The following KANSL1L variants were observed in gnomAD, a reference collection of about 807,000 sequenced individuals.
KANSL1L encodes the protein KAT8 regulatory NSL complex subunit 1-like protein.
Under a neutral mutation model 108.6 loss-of-function variants are expected in KANSL1L, and 25 were observed. The ratio of observed to expected loss-of-function variants is 0.23; its 90% CI spans 0.17 to 0.32. The LOEUF is 0.32. Ranked by LOEUF, KANSL1L falls within the 10% of genes least tolerant of loss-of-function variation. The pLI is 1.00. For missense variants in KANSL1L, 1,137 were observed against 1,125.7 expected (o/e 1.01, Z -0.14); for synonymous variants, 405 against 395.1 (o/e 1.03, Z -0.30).
chr2:210,117,942 T>A (rs1280341877), intron 3 of KANSL1L, among the ~76,000 whole-genome samples: 1 of 151,902 alleles, frequency 6.6e-6, no homozygotes, highest in Non-Finnish European at 1.5e-5. Context: ...GACAGGTGGA[T>A]CACCTGAGGT....
chr2:210,139,305 T>C (rs552384450), intron 2 of KANSL1L, among the ~76,000 whole-genome samples: 10 of 152,270 alleles, frequency 6.6e-5, no homozygotes, highest in African/African-American at 2.2e-4. Flanking sequence ...ATTTTCCTTA[T>C]CCATTCATCT....
intron 1 of KANSL1L, among the ~76,000 whole-genome samples, chr2:210,169,707 A>T (rs1383690546): frequency 6.6e-6 from 1 of 152,226 alleles, no homozygotes; most frequent in Non-Finnish European, 1.5e-5. Context: ...AACCATGAGG[A>T]AATGGTTGCA....
chr2:210,120,814 AC>A (rs2095010543), intron 3 of KANSL1L, among the ~76,000 whole-genome samples: 1 of 152,056 alleles, frequency 6.6e-6, no homozygotes, highest in Admixed American at 6.6e-5. Flanking sequence ...TAAACAAACA[AC>A]CCCATAAAAA....
intron 1 of KANSL1L, among the ~76,000 whole-genome samples, chr2:210,158,472 C>T (rs1213314989): frequency 6.6e-6 from 1 of 152,180 alleles, no homozygotes; most frequent in African/African-American, 2.4e-5. Flanking sequence ...GAGCCAGAGG[C>T]ACCCAGCTAA....
At chr2:210,029,102 TA>T in intron 10 of KANSL1L, 133 bp from the exon 11 acceptor site, 2 of 733,200 alleles carry the variant, frequency 2.7e-6, no homozygotes, top group Non-Finnish European at 4.3e-6. Context: ...AAAGTCTGAC[TA>T]AAAAATGTTA....
Position 210,044,932 on chromosome 2 carries a change from G to T in KANSL1L, c.1756-828C>A, listed in dbSNP as rs1174289870. ...TTACAGGCACGTGCCACTGCGCCCA[G>T]CTACTTTTTGTATTTTTAGTGGAGA... On this transcript the variant is annotated intron_variant, in intron 6 of 14. Coordinates refer to ENST00000281772, the MANE Select transcript of KANSL1L (RefSeq NM_152519.4). The surrounding 1 kb of genome is among the most constrained non-coding windows in gnomAD (Gnocchi z 4.2). Among the ~76,000 whole-genome samples the T allele has an allele frequency of 5.9e-5, 9 of 152,006 alleles. No homozygotes were observed. Among genetic ancestry groups the T allele is most frequent in the African/African-American group, 2.2e-4 (9 of 41,378 alleles).
In KANSL1L at chr2:210,105,373, AAAT is replaced by A. The variant is rs1048517100; in HGVS notation, c.1231-1075_1231-1073del. Among the ~76,000 whole-genome samples, 35 of 145,876 alleles carry A rather than the reference AAAT, an allele frequency of 2.4e-4. 1 individual carries two copies. The highest frequency in any genetic ancestry group is 1.5e-3 in the South Asian group (7 of 4,692). On this transcript the variant is annotated intron_variant, in intron 3 of 14. Coordinates refer to ENST00000281772, the MANE Select transcript of KANSL1L (RefSeq NM_152519.4). ...TAAATATATATATATATTTGAAAAA[AAAT>A]ATATATATATATATTTGAAACATGC...
At chr2:210,151,840 A>C (rs1037673195) in intron 2 of KANSL1L, 2 of 152,206 alleles carry the variant, frequency 1.3e-5, no homozygotes. Flanking sequence ...ACACTAGAAG[A>C]CCCGAATGCT....
intron 5 of KANSL1L, among the ~76,000 whole-genome samples, chr2:210,084,874 T>A (rs2094623345): frequency 6.6e-6 from 1 of 152,200 alleles, no homozygotes; most frequent in South Asian, 2.1e-4. Context: ...CCTCCCAAAG[T>A]GCTGGGATTA....
At chr2:210,167,353 G>T (rs1266608714) in intron 1 of KANSL1L, among the ~76,000 whole-genome samples, 1 of 151,930 alleles carries the variant, frequency 6.6e-6, no homozygotes, top group Non-Finnish European at 1.5e-5. Context: ...GCCTAAAAAG[G>T]AATTCTCTTT....
chr2:210,122,310 G>C (rs1480296757), intron 3 of KANSL1L, among the ~76,000 whole-genome samples: 2 of 151,966 alleles, frequency 1.3e-5, no homozygotes, highest in African/African-American at 4.8e-5. Context: ...TAATCAAAAC[G>C]GCACAGTACT....
intron 5 of KANSL1L, among the ~76,000 whole-genome samples, chr2:210,083,423 G>T (rs539202122): frequency 1.3e-5 from 2 of 152,106 alleles, no homozygotes; most frequent in South Asian, 4.2e-4. Flanking sequence ...GTCCTTTGAT[G>T]AATTCAACCT....
chr2:210,159,401 C>G (rs1483909595), intron 1 of KANSL1L, among the ~76,000 whole-genome samples: 1 of 152,172 alleles, frequency 6.6e-6, no homozygotes, highest in African/African-American at 2.4e-5. Flanking sequence ...TAGCTTCAGC[C>G]TCTTGGTTCA....
chr2:210,139,406 T>C (rs1207311246), intron 2 of KANSL1L, among the ~76,000 whole-genome samples: 1 of 152,186 alleles, frequency 6.6e-6, no homozygotes, highest in Non-Finnish European at 1.5e-5. Context: ...TGATTTAATT[T>C]CCTTTTGACA....
intron 2 of KANSL1L, among the ~76,000 whole-genome samples, chr2:210,144,206 G>T (rs1372119164): frequency 2.0e-5 from 3 of 152,082 alleles, no homozygotes; most frequent in Non-Finnish European, 2.9e-5. Context: ...CTTCCTGAGG[G>T]TTCCCTTGTA....
intron 5 of KANSL1L, among the ~76,000 whole-genome samples, chr2:210,078,027 C>T (rs1255197737): frequency 6.6e-6 from 1 of 152,176 alleles, no homozygotes; most frequent in Admixed American, 6.5e-5. Context: ...AGTGTACTTA[C>T]ACAAACCTAG....
At chr2:210,101,354 T>A (rs1394201080) in intron 4 of KANSL1L, among the ~76,000 whole-genome samples, 1 of 152,234 alleles carries the variant, frequency 6.6e-6, no homozygotes, top group Non-Finnish European at 1.5e-5. Flanking sequence ...GCAGTTCTGA[T>A]GTCATCTCAG....
rs367576362 is a variant in KANSL1L, at chr2:210,170,859, G to T, written c.-30+290C>A. On this transcript the variant is annotated intron_variant, in intron 1 of 14. Coordinates refer to ENST00000281772, the MANE Select transcript of KANSL1L (RefSeq NM_152519.4). Reference sequence around the variant, plus strand: ...GCCAAGCCCCACCCCCCACGTGACCGGCGTCCAGGTCCGCCCCCACCCCTC... The same window carrying T: ...GCCAAGCCCCACCCCCCACGTGACCTGCGTCCAGGTCCGCCCCCACCCCTC... 6.3e-5 allele frequency among the ~76,000 whole-genome samples: 7 copies of T among 111,136 alleles called. No homozygotes were observed. The East Asian group carries it at 1.7e-3, about 27-fold the overall frequency. 72.9% of individuals were successfully genotyped at this position (111,136 alleles called of 152,430 possible).
intron 5 of KANSL1L, among the ~76,000 whole-genome samples, chr2:210,077,063 A>G (rs1292702464): frequency 6.6e-6 from 1 of 152,208 alleles, no homozygotes; most frequent in East Asian, 1.9e-4. Context: ...TTGTGGATAA[A>G]GTAAATAATT....
Sources: allele counts gnomAD v4.1 joint callset (sites outside exome capture counted in the v4.1 genomes callset), GRCh38; gene constraint gnomAD v4.1.1; non-coding constraint Gnocchi (gnomAD v3.1); transcripts MANE v1.5; gene names NCBI Gene and HGNC (gene_info 2026-07-23, HGNC 2026-07-21).